The following VWC2L variants were observed in gnomAD, a reference collection of about 807,000 sequenced individuals.
The protein encoded by VWC2L is von Willebrand factor C domain-containing protein 2-like.
A neutral mutation model predicts 21.6 loss-of-function variants in VWC2L; 10 were observed. The observed-to-expected ratio is 0.46, with a 90% CI of 0.29 to 0.78. The LOEUF is 0.78. VWC2L is among the 30% of genes least tolerant of loss of function. VWC2L has a pLI of 0.10. For missense variants in VWC2L, 209 were observed against 277.1 expected, an observed-to-expected ratio of 0.75 and a Z score of 1.74; for synonymous variants, 96 against 94.3, an observed-to-expected ratio of 1.02 and a Z score of -0.10.
chr2:214,570,277 G>C (rs951654186), intron 3 of VWC2L, among the ~76,000 whole-genome samples: 11 of 152,134 alleles, frequency 7.2e-5, no homozygotes, highest in Admixed American at 7.2e-4. Context: ...GATTTCTTTT[G>C]AATGATTCCT....
chr2:214,568,908 C>G (rs1690108133), intron 3 of VWC2L, among the ~76,000 whole-genome samples: 1 of 152,156 alleles, frequency 6.6e-6, no homozygotes, highest in South Asian at 2.1e-4. Context: ...TCCTAAGGGA[C>G]CCCAACTGTG....
chr2:214,504,086 T>C (rs1185705419), intron 3 of VWC2L, among the ~76,000 whole-genome samples: 1 of 152,238 alleles, frequency 6.6e-6, no homozygotes, highest in Non-Finnish European at 1.5e-5. Context: ...TGGTTCTGTG[T>C]ACAAATACGA....
chr2:214,425,362 A>G (rs1574557700), intron 2 of VWC2L, among the ~76,000 whole-genome samples: 1 of 152,272 alleles, frequency 6.6e-6, no homozygotes, highest in East Asian at 1.9e-4. Flanking sequence ...AGATTTGCCT[A>G]TTTTAAATGT....
intron 2 of VWC2L, among the ~76,000 whole-genome samples, chr2:214,419,279 C>A (rs540310723): frequency 2.6e-4 from 40 of 152,194 alleles, no homozygotes; most frequent in African/African-American, 9.4e-4. Context: ...GACACTGGAA[C>A]CTACTTTTTG....
intron 3 of VWC2L, among the ~76,000 whole-genome samples, chr2:214,481,454 G>C (rs1405581272): frequency 6.6e-6 from 1 of 152,164 alleles, no homozygotes; most frequent in Non-Finnish European, 1.5e-5. Flanking sequence ...CTTGAAATCT[G>C]AGCTCTTTAG....
At chr2:214,426,424 G>T (rs1270207604) in intron 2 of VWC2L, among the ~76,000 whole-genome samples, 1 of 152,062 alleles carries the variant, frequency 6.6e-6, no homozygotes, top group Admixed American at 6.6e-5. Flanking sequence ...AAGGAGCTTG[G>T]GTCAAAGTCT....
rs1307307132 is a variant in VWC2L, at chr2:214,561,799, TATATATATATAC to T, written c.521-13871_521-13860del. 6.9e-4 allele frequency among the ~76,000 whole-genome samples: 7 copies of T among 10,112 alleles called. 1 individual carries two copies. The highest frequency in any genetic ancestry group is 1.1e-3 in the African/African-American group (7 of 6,382). 6.6% of individuals were successfully genotyped at this position (10,112 alleles called of 152,430 possible). On this transcript the variant is annotated intron_variant, in intron 3 of 3. Coordinates refer to ENST00000312504, the MANE Select transcript of VWC2L (RefSeq NM_001080500.4). ...TCAAAAAAAATTATATATATATATA[TATATATATATAC>T]ACACACATATATAATTTTATATATA...
chr2:214,494,955 T>C (rs1041682020), intron 3 of VWC2L, among the ~76,000 whole-genome samples: 3 of 152,124 alleles, frequency 2.0e-5, no homozygotes, highest in Non-Finnish European at 4.4e-5. Context: ...ATTTCTAAGG[T>C]CTTTGCATTA....
chr2:214,496,782 CT>C (rs1221041075), intron 3 of VWC2L, among the ~76,000 whole-genome samples: 1 of 152,154 alleles, frequency 6.6e-6, no homozygotes, highest in Non-Finnish European at 1.5e-5. Context: ...AAATGCACTT[CT>C]TTCAGATTCT....
At chr2:214,550,787 T>C (rs1689781655) in intron 3 of VWC2L, among the ~76,000 whole-genome samples, 1 of 152,228 alleles carries the variant, frequency 6.6e-6, no homozygotes, top group South Asian at 2.1e-4. Context: ...TTTTGTTCAG[T>C]CCTTTACATT....
At chr2:214,477,684 A>G (rs530070031) in intron 3 of VWC2L, among the ~76,000 whole-genome samples, 1 of 152,246 alleles carries the variant, frequency 6.6e-6, no homozygotes, top group Non-Finnish European at 1.5e-5. Flanking sequence ...CTAACATCAT[A>G]TAACTAGTAA....
intron 3 of VWC2L, among the ~76,000 whole-genome samples, chr2:214,448,948 C>T (rs1702913712): frequency 6.6e-6 from 1 of 152,148 alleles, no homozygotes; most frequent in South Asian, 2.1e-4. Flanking sequence ...CCTACAGGCA[C>T]CTATCCCAGA....
At chr2:214,534,443 T>C (rs1689492354) in intron 3 of VWC2L, among the ~76,000 whole-genome samples, 1 of 152,088 alleles carries the variant, frequency 6.6e-6, no homozygotes, top group South Asian at 2.1e-4. Flanking sequence ...TATGGATTGT[T>C]TGCAAGCACC....
chr2:214,425,755 G>A (rs79265678), intron 2 of VWC2L, among the ~76,000 whole-genome samples: 7,642 of 152,136 alleles, frequency 0.05, 589 homozygotes, highest in African/African-American at 0.17. Context: ...GATCTTGTGG[G>A]CTATACCAAA....
intron 3 of VWC2L, among the ~76,000 whole-genome samples, chr2:214,540,568 C>A (rs1030304787): frequency 6.6e-6 from 1 of 152,192 alleles, no homozygotes; most frequent in Admixed American, 6.5e-5. Context: ...CCAACATCTT[C>A]TGCACCAGGA....
chr2:214,488,577 G>A (rs920230351), intron 3 of VWC2L, among the ~76,000 whole-genome samples: 3 of 152,280 alleles, frequency 2.0e-5, no homozygotes, highest in Middle Eastern at 3.4e-3. Context: ...CAGCCTGGGT[G>A]ACAAAGCAAG....
At chr2:214,425,068 T>C (rs987173354) in intron 2 of VWC2L, among the ~76,000 whole-genome samples, 21 of 152,224 alleles carry the variant, frequency 1.4e-4, no homozygotes, top group African/African-American at 5.1e-4. Context: ...TTCACTTACA[T>C]ATTGTCTATG....
chr2:214,433,750 G>T (rs557260888), intron 2 of VWC2L, among the ~76,000 whole-genome samples: 43 of 152,236 alleles, frequency 2.8e-4, no homozygotes, highest in Admixed American at 1.3e-3. Context: ...AAATGCAGGG[G>T]CAGGCAGGAG....
At chr2:214,486,068 C>A (rs1688668365) in intron 3 of VWC2L, among the ~76,000 whole-genome samples, 1 of 152,158 alleles carries the variant, frequency 6.6e-6, no homozygotes, top group South Asian at 2.1e-4. Context: ...TACTTAGACA[C>A]TCTGTCTGTG....
Sources: allele counts gnomAD v4.1 joint callset (sites outside exome capture counted in the v4.1 genomes callset), GRCh38; gene constraint gnomAD v4.1.1; transcripts MANE v1.5; gene names NCBI Gene and HGNC (gene_info 2026-07-23, HGNC 2026-07-21).